The following QRICH1 variants were observed in gnomAD, a reference collection of about 807,000 sequenced individuals.
The protein encoded by QRICH1 is transcriptional regulator QRICH1.
A neutral mutation model predicts 87.1 loss-of-function variants in QRICH1; 16 were observed. The ratio of observed to expected loss-of-function variants is 0.18; its 90% CI spans 0.12 to 0.28. QRICH1 has a LOEUF of 0.28. QRICH1 is among the 10% of genes least tolerant of loss of function. QRICH1 has a pLI of 1.00. For synonymous variants in QRICH1, 367 were observed against 368.4 expected (o/e 1.00, Z 0.05); for missense variants, 647 against 951.7 (o/e 0.68, Z 4.21).
At chr3:49,035,919 A>AG (rs2093272204) in intron 6 of QRICH1, among the ~76,000 whole-genome samples, 2 of 87,188 alleles carry the variant, frequency 2.3e-5, no homozygotes, top group African/African-American at 7.1e-5. Context: ...TACAAAAAAA[A>AG]AAAAAAAAAC....
At chr3:49,061,556 G>A (rs915680158) in intron 2 of QRICH1, among the ~76,000 whole-genome samples, 11 of 152,020 alleles carry the variant, frequency 7.2e-5, no homozygotes, top group African/African-American at 2.4e-4. Flanking sequence ...TAGAAAACAA[G>A]AAGGCAGAAA....
Position 49,030,431 on chromosome 3 carries a change from T to C in QRICH1, c.*21A>G, listed in dbSNP as rs1343685257. The stretch of plus-strand genomic sequence containing the variant: ...TCTGGTTTTTCCTGGCTGGTTTCTC[T>C]TGTGCCATGGCCAAGGCATCTCAGT... On this transcript the variant is annotated 3_prime_UTR_variant, in exon 10 of 10. Transcript: ENST00000395443. 2 of 1,610,072 alleles carry C rather than the reference T, an allele frequency of 1.2e-6. No homozygotes were observed. The highest frequency in any genetic ancestry group is 2.2e-5 in the East Asian group (1 of 44,772).
intron 3 of QRICH1, among the ~76,000 whole-genome samples, chr3:49,053,417 G>A (rs551485809): frequency 2.3e-4 from 35 of 150,288 alleles, no homozygotes; most frequent in African/African-American, 7.3e-4. Context: ...CTCGGGAGGC[G>A]GAGGTTGCAG....
intron 1 of QRICH1, among the ~76,000 whole-genome samples, chr3:49,080,694 T>G (rs1037174176): frequency 2.6e-5 from 4 of 151,846 alleles, no homozygotes; most frequent in Non-Finnish European, 4.4e-5. Flanking sequence ...TGATATTAAG[T>G]GTAAAGGATA....
chr3:49,063,277 A>G (rs992024933), intron 2 of QRICH1, among the ~76,000 whole-genome samples: 5 of 152,320 alleles, frequency 3.3e-5, no homozygotes, highest in Middle Eastern at 6.8e-3. Context: ...TGTAGTTTCC[A>G]TGCCAACAGC....
chr3:49,082,140 C>T (rs758979795), intron 1 of QRICH1, among the ~76,000 whole-genome samples: 74 of 152,000 alleles, frequency 4.9e-4, no homozygotes, highest in Non-Finnish European at 8.2e-4. Context: ...TGGAGTTTTG[C>T]TATGTTGGCC....
At chr3:49,051,397 T>A (rs1163788349) in intron 3 of QRICH1, among the ~76,000 whole-genome samples, 1 of 152,128 alleles carries the variant, frequency 6.6e-6, no homozygotes, top group Non-Finnish European at 1.5e-5. Context: ...AGCAGCTATT[T>A]CTCTGTATGC....
intron 1 of QRICH1, among the ~76,000 whole-genome samples, chr3:49,086,075 T>C (rs867201030): frequency 6.6e-6 from 1 of 151,438 alleles, no homozygotes; most frequent in Non-Finnish European, 1.5e-5. Flanking sequence ...GCTCTTGGGG[T>C]GTATGAGGTC....
At chr3:49,032,370 GGAAA>G in intron 8 of QRICH1, 97 bp from the exon 9 acceptor site, 1 of 836,214 alleles carries the variant, frequency 1.2e-6, no homozygotes. Context: ...AGCCCAACTA[GGAAA>G]TACAGGGTCG....
Position 49,034,146 on chromosome 3 carries a change from T to C in QRICH1, c.1787-918A>G, listed in dbSNP as rs535353363. Among the ~76,000 whole-genome samples the C allele has an allele frequency of 4.2e-4, 63 of 151,566 alleles. 1 individual carries two copies. Among genetic ancestry groups the C allele is most frequent in the Middle Eastern group, 6.8e-3 (2 of 294 alleles). On this transcript the variant is annotated intron_variant, in intron 6 of 9. Coordinates refer to ENST00000395443, the MANE Select transcript of QRICH1 (RefSeq NM_198880.3). ...GGGTCTCTTCTACAATATTTATCTT[T>C]TTTTAAAAAAGGAAGACCAGGCATG...
intron 2 of QRICH1, among the ~76,000 whole-genome samples, chr3:49,062,946 G>C (rs1344715308): frequency 1.3e-5 from 2 of 151,734 alleles, no homozygotes; most frequent in Non-Finnish European, 2.9e-5. Flanking sequence ...TTTGCAGTGA[G>C]CCAAGATCGC....
intron 2 of QRICH1, among the ~76,000 whole-genome samples, chr3:49,066,843 G>C (rs142112888): frequency 0.019 from 2,849 of 152,018 alleles, 90 homozygotes; most frequent in African/African-American, 0.064. Flanking sequence ...TTCGAGACCA[G>C]CCTGGCCAAC....
chr3:49,075,618 C>T (rs150424624), intron 2 of QRICH1, among the ~76,000 whole-genome samples: 3 of 151,940 alleles, frequency 2.0e-5, no homozygotes, highest in Admixed American at 1.3e-4. Context: ...ACAACAAGAG[C>T]GAAACTCCAA....
Position 49,030,395 on chromosome 3 carries a change from G to T in QRICH1, c.*57C>A. The T allele has an allele frequency of 6.5e-7, 1 of 1,536,818 alleles. No homozygotes were observed. Among genetic ancestry groups the T allele is most frequent in the Non-Finnish European group, 8.9e-7 (1 of 1,122,128 alleles). On this transcript the variant is annotated 3_prime_UTR_variant, in exon 10 of 10. Transcript: ENST00000395443. ...AAAAAATGGAGGCCTCTTCTTTAGTGTGAAAGTCTGTCTGGTTTTTCCTGG... is the reference window on the plus strand; with the variant it reads ...AAAAAATGGAGGCCTCTTCTTTAGTTTGAAAGTCTGTCTGGTTTTTCCTGG...
rs966387079 is a variant in QRICH1, at chr3:49,068,525, T to C, written c.309+8184A>G. Among the ~76,000 whole-genome samples, 42 of 150,766 alleles carry C rather than the reference T, an allele frequency of 2.8e-4. 1 individual carries two copies. Among genetic ancestry groups the C allele is most frequent in the African/African-American group, 9.7e-4 (40 of 41,080 alleles). The stretch of plus-strand genomic sequence containing the variant: ...CTGTAGTCCAAGCTACTCAGGAGAC[T>C]GAAGCAGGAGGATCACTTGAGCCCA... On this transcript the variant is annotated intron_variant, in intron 2 of 9. Coordinates refer to ENST00000395443, the MANE Select transcript of QRICH1 (RefSeq NM_198880.3).
chr3:49,060,400 A>G (rs2093428066), intron 2 of QRICH1, among the ~76,000 whole-genome samples: 1 of 151,900 alleles, frequency 6.6e-6, no homozygotes. Context: ...TCACCGTGTT[A>G]GCCAGGATGG....
intron 9 of QRICH1, among the ~76,000 whole-genome samples, chr3:49,031,319 C>T (rs1452449690): frequency 6.6e-6 from 1 of 152,070 alleles, no homozygotes; most frequent in Non-Finnish European, 1.5e-5. Context: ...ATAATGATGG[C>T]CATTACAGTG....
chr3:49,032,673 T>G lies in QRICH1; in HGVS notation c.1996A>C (p.Thr666Pro). The change falls in exon 8 of 10, where the codon ACG (threonine) becomes CCG (proline). Residue 666 changes from threonine (T) to proline (P), a missense_variant. Around this residue, in one of 7 missense-constraint regions of QRICH1, gnomAD observed 187 missense variants for 309.5 expected, o/e 0.60. Coordinates refer to ENST00000395443, the MANE Select transcript of QRICH1 (RefSeq NM_198880.3). The part of the protein sequence containing the change: ...KNPSNPKDKS[T>P]SIRYLKALGI... ...AGGGCCTTCAAGTACCGGATACTCG[T>G]GCTTTTATCCTTGGGATTAGAGGGG... The G allele has an allele frequency of 6.2e-7, 1 of 1,612,458 alleles. No individual in the cohort carries two copies. Among genetic ancestry groups the G allele is most frequent in the Non-Finnish European group, 8.5e-7 (1 of 1,179,318 alleles).
At chr3:49,073,155 A>G (rs2041877864) in intron 2 of QRICH1, among the ~76,000 whole-genome samples, 1 of 152,208 alleles carries the variant, frequency 6.6e-6, no homozygotes, top group Non-Finnish European at 1.5e-5. Flanking sequence ...CTTAGTATAA[A>G]AAGACTTCCA....
Sources: allele counts gnomAD v4.1 joint callset (sites outside exome capture counted in the v4.1 genomes callset), GRCh38; gene constraint gnomAD v4.1.1; regional missense constraint gnomAD v4.1.1; transcripts MANE v1.5; gene names NCBI Gene and HGNC (gene_info 2026-07-23, HGNC 2026-07-21).